Variants in SLC25A16 observed in about 807,000 individuals in gnomAD.
The protein encoded by SLC25A16 is mitochondrial coenzyme A transporter SLC25A16.
In SLC25A16, 39 loss-of-function variants were observed where a neutral mutation model predicts 41.5. That is an observed-to-expected ratio of 0.94 (90% CI 0.73 to 1.23). SLC25A16 has a LOEUF of 1.23. SLC25A16 is among the 50% of genes most tolerant of loss of function. The probability of loss-of-function intolerance (pLI) is 0.00; values close to 1 mark genes in which losing one functional copy is unlikely to be tolerated. For synonymous variants in SLC25A16, 146 were observed against 147.8 expected, an observed-to-expected ratio of 0.99 and a Z score of 0.09; for missense variants, 421 against 426.9, an observed-to-expected ratio of 0.99 and a Z score of 0.12.
chr10:68,493,238 G>T, intron 5 of SLC25A16, 40 bp from the exon 6 acceptor site: 1 of 1,380,386 alleles, frequency 7.2e-7, no homozygotes, highest in Non-Finnish European at 1.0e-6. Context: ...ATTACATTGT[G>T]CTCATTATCA....
intron 8 of SLC25A16, 46 bp downstream of exon 8, chr10:68,487,098 G>A: frequency 7.0e-7 from 1 of 1,431,128 alleles, no homozygotes. Flanking sequence ...TGAGTTTAAT[G>A]TTACATTTCC....
At chr10:68,524,707 CA>C (rs1182825187) in intron 1 of SLC25A16, among the ~76,000 whole-genome samples, 8,420 of 68,540 alleles carry the variant, frequency 0.12, 233 homozygotes, top group South Asian at 0.28. Context: ...GACTCCATCT[CA>C]AAAAAAAAAA....
intron 2 of SLC25A16, 71 bp from the exon 3 acceptor site, chr10:68,506,789 G>T (rs2275716): frequency 0.79 from 733,856 of 925,650 alleles, 294,079 homozygotes; most frequent in East Asian, 0.86. Flanking sequence ...GACAATCACA[G>T]ATAAAGATTA....
chr10:68,503,869 G>T (rs1564919461), intron 3 of SLC25A16, among the ~76,000 whole-genome samples, 174 bp from the exon 4 acceptor site: 2 of 152,134 alleles, frequency 1.3e-5, no homozygotes, highest in Non-Finnish European at 2.9e-5. Context: ...TATCACAGCA[G>T]AAGGGGATAT....
At chr10:68,524,358 A>G (rs926582522) in intron 1 of SLC25A16, among the ~76,000 whole-genome samples, 4 of 142,356 alleles carry the variant, frequency 2.8e-5, no homozygotes, top group Admixed American at 7.1e-5. Flanking sequence ...CCTGGCCAAC[A>G]TGGTAAAACT....
chr10:68,513,856 G>A (rs1432916508), intron 2 of SLC25A16, among the ~76,000 whole-genome samples: 3 of 151,716 alleles, frequency 2.0e-5, no homozygotes, highest in Non-Finnish European at 4.4e-5. Flanking sequence ...AGCCAGCCTG[G>A]GCAACAGAGG....
In SLC25A16 at chr10:68,503,520, G is replaced by C. The variant is rs1252253268; in HGVS notation, c.421+112C>G. 6 of 609,802 alleles carry C rather than the reference G, an allele frequency of 9.8e-6. No individual in the cohort carries two copies. In the East Asian group the frequency reaches 1.8e-4, roughly 19 times the overall value. 37.8% of individuals were successfully genotyped at this position (609,802 alleles called of 1,614,324 possible). ...CACCCAGGAAAAAATACAAGTCACA[G>C]GACACCTGCAACCTGTGCTTTCCCC... is the stretch of plus-strand genomic sequence containing the variant. On this transcript the variant is annotated intron_variant, in intron 4 of 8. Coordinates refer to ENST00000609923, the MANE Select transcript of SLC25A16 (RefSeq NM_152707.4).
At position 68,525,413 on chromosome 10, in the gene SLC25A16, G is replaced by A. The variant is rs368731217; in HGVS notation, c.130+1833C>T. Among the ~76,000 whole-genome samples the A allele has an allele frequency of 2.0e-5, 3 of 152,144 alleles. No individual in the cohort carries two copies. In the East Asian group the frequency reaches 5.8e-4, roughly 29 times the overall value. ...AGTCTCCCAAAGTGCTGGGATTACA[G>A]GCGTGAGCCACCCTGCCCAGCGAAT... On this transcript the variant is annotated intron_variant, in intron 1 of 8. Coordinates refer to ENST00000609923, the MANE Select transcript of SLC25A16 (RefSeq NM_152707.4).
chr10:68,507,056 A>G (rs887124753), intron 2 of SLC25A16, among the ~76,000 whole-genome samples: 1 of 150,846 alleles, frequency 6.6e-6, no homozygotes, highest in Non-Finnish European at 1.5e-5. Flanking sequence ...GGTTTGCACT[A>G]AAGATGACCT....
intron 2 of SLC25A16, among the ~76,000 whole-genome samples, chr10:68,508,762 G>A (rs1461155983): frequency 6.6e-6 from 1 of 152,046 alleles, no homozygotes; most frequent in African/African-American, 2.4e-5. Flanking sequence ...GCTGGAAGCG[G>A]ACACAAAGGT....
Position 68,496,474 on chromosome 10 carries a change from T to C in SLC25A16, c.422-2904A>G, listed in dbSNP as rs377232309. 68 of 984,768 alleles carry C rather than the reference T, an allele frequency of 6.9e-5. No individual in the cohort carries two copies. The East Asian group carries it at 4.7e-3, about 67-fold the overall frequency. The allele number at this position is 984,768 out of a possible 1,614,324, so 61.0% of individuals were successfully genotyped here. A position where few individuals can be genotyped will look rare whatever the true frequency, so the allele number is the denominator to read the frequency against. On this transcript the variant is annotated intron_variant, in intron 4 of 8. Transcript: ENST00000609923. ...TAACAGCTTTCTTCTTCCCTCAGTT[T>C]ACAACTACAATCCAATACAAATAGT...
intron 7 of SLC25A16, 122 bp from the exon 8 acceptor site, chr10:68,487,334 C>A: frequency 1.4e-6 from 1 of 710,920 alleles, no homozygotes; most frequent in Non-Finnish European, 2.4e-6. Context: ...TTCTGTCTAA[C>A]CTAGGAGTCG....
intron 3 of SLC25A16, among the ~76,000 whole-genome samples, chr10:68,504,773 C>T (rs570765936): frequency 6.6e-6 from 1 of 152,176 alleles, no homozygotes; most frequent in South Asian, 2.1e-4. Flanking sequence ...CTCCGTATCC[C>T]GGGTTCAAGC....
At position 68,491,046 on chromosome 10, in the gene SLC25A16, T is replaced by A. The variant is rs139555638; in HGVS notation, c.610+2086A>T. ...CTGGGACCACCAAGCCTGGCTAATT[T>A]TAGAAAATTATTTGTAGAGACAAAT... On this transcript the variant is annotated intron_variant, in intron 6 of 8. Coordinates refer to ENST00000609923, the MANE Select transcript of SLC25A16 (RefSeq NM_152707.4). Among the ~76,000 whole-genome samples the A allele has an allele frequency of 1.8e-3, 281 of 152,064 alleles. 2 individuals carry two copies. The highest frequency in any genetic ancestry group is 6.8e-3 in the Middle Eastern group (2 of 294).
At chr10:68,505,902 G>A (rs1194402918) in intron 3 of SLC25A16, among the ~76,000 whole-genome samples, 9 of 151,980 alleles carry the variant, frequency 5.9e-5, no homozygotes, top group South Asian at 4.2e-4. Context: ...GTGTGGTGGC[G>A]GGCGCCTGTA....
intron 1 of SLC25A16, among the ~76,000 whole-genome samples, chr10:68,526,182 G>A (rs911296881): frequency 1.3e-4 from 20 of 151,398 alleles, no homozygotes; most frequent in African/African-American, 4.9e-4. Context: ...CTGTCCCTGG[G>A]CAATGGAATG....
intron 6 of SLC25A16, among the ~76,000 whole-genome samples, chr10:68,491,376 C>G (rs555170614): frequency 4.6e-5 from 7 of 152,118 alleles, no homozygotes; most frequent in African/African-American, 1.7e-4. Context: ...CAGGCATGTG[C>G]GACCACGCCC....
Position 68,527,479 on chromosome 10 carries a change from G to C in SLC25A16, c.-104C>G, listed in dbSNP as rs943112631. ...ACAGGAGGCTGACCGCCCCGCCGGC[G>C]GGGCAAAGTAACACCCGGCGGCGCG... On this transcript the variant is annotated 5_prime_UTR_variant, in exon 1 of 9. Transcript: ENST00000609923. 24 of 1,199,498 alleles carry C rather than the reference G, an allele frequency of 2.0e-5. No individual in the cohort carries two copies. In the African/African-American group the frequency reaches 2.6e-4, roughly 13 times the overall value. 74.3% of individuals were successfully genotyped at this position (1,199,498 alleles called of 1,614,324 possible).
rs2052451794 is a variant in SLC25A16, at chr10:68,478,480, CAT to C, written c.*4950_*4951del. ...TCTGCAAGGCAACCCATTAATTGTA[CAT>C]AGTTTGGGAATAATCCTTGGGGAAA... On this transcript the variant is annotated 3_prime_UTR_variant, in exon 9 of 9. Transcript: ENST00000609923. 1 of 151,964 alleles carries C rather than the reference CAT, an allele frequency of 6.6e-6. No homozygotes were observed. Among genetic ancestry groups the C allele is most frequent in the African/African-American group, 2.4e-5 (1 of 41,394 alleles). 9.4% of individuals were successfully genotyped at this position (151,964 alleles called of 1,614,324 possible). A position where few individuals can be genotyped will look rare whatever the true frequency, so the allele number is the denominator to read the frequency against.
Sources: gnomAD v4.1 joint callset for allele counts (sites outside exome capture counted in the v4.1 genomes callset) on GRCh38, gnomAD v4.1.1 for gene constraint, MANE v1.5 for transcripts, NCBI Gene and HGNC (gene_info 2026-07-23, HGNC 2026-07-21) for gene names.